Variants in TAX1BP1 observed in about 807,000 individuals in gnomAD.
The protein encoded by TAX1BP1 is tax1-binding protein 1.
TAX1BP1 carries 62 observed loss-of-function variants against 97.7 expected under a neutral mutation model. That is an observed-to-expected ratio of 0.63 (90% confidence interval 0.52 to 0.78). The LOEUF is 0.78. Among genes scored for constraint, TAX1BP1 ranks in the 30% least tolerant of loss-of-function variants. The probability of loss-of-function intolerance (pLI) is 0.00; values close to 1 mark genes in which losing one functional copy is unlikely to be tolerated. For missense variants in TAX1BP1, 867 were observed against 916.1 expected (o/e 0.95, Z 0.69); for synonymous variants, 340 against 304.2 (o/e 1.12, Z -1.23).
chr7:27,761,193 G>A (rs1788412679), intron 3 of TAX1BP1, among the ~76,000 whole-genome samples: 1 of 152,066 alleles, frequency 6.6e-6, no homozygotes, highest in Non-Finnish European at 1.5e-5. Context: ...CTTTTTTGGA[G>A]CAGTTTTAGG....
chr7:27,740,124 C>G (rs185132653), upstream of TAX1BP1: 1 of 152,296 alleles, frequency 6.6e-6, no homozygotes, highest in African/African-American at 2.4e-5. Flanking sequence ...GCGGAAGTGA[C>G]GCAAGGCCTA....
intron 2 of TAX1BP1, among the ~76,000 whole-genome samples, chr7:27,757,364 T>C (rs1788260586): frequency 6.6e-6 from 1 of 152,094 alleles, no homozygotes; most frequent in South Asian, 2.1e-4. Flanking sequence ...TATATAAACA[T>C]CTTGGTGCTA....
intron 13 of TAX1BP1, among the ~76,000 whole-genome samples, chr7:27,812,036 T>TA (rs1790578567): frequency 6.6e-6 from 1 of 152,228 alleles, no homozygotes; most frequent in East Asian, 1.9e-4. Flanking sequence ...TGCGGGCTTA[T>TA]ATGGTAAGTG....
chr7:27,782,087 ACT>A (rs915040335), intron 5 of TAX1BP1, among the ~76,000 whole-genome samples: 15 of 151,962 alleles, frequency 9.9e-5, no homozygotes, highest in African/African-American at 3.4e-4. Context: ...TAACATTTTC[ACT>A]CTCTTTTTAA....
At chr7:27,774,198 C>T (rs1204724992) in intron 5 of TAX1BP1, among the ~76,000 whole-genome samples, 3 of 152,006 alleles carry the variant, frequency 2.0e-5, no homozygotes, top group Non-Finnish European at 4.4e-5. Flanking sequence ...ACCTCTTAAG[C>T]TATCTTTATC....
intron 13 of TAX1BP1, among the ~76,000 whole-genome samples, chr7:27,801,239 T>TA (rs1404401704): frequency 8.2e-6 from 1 of 121,990 alleles, no homozygotes. Context: ...AGATATAATT[T>TA]ACATTTTTTT....
At chr7:27,772,290 G>A (rs887309137) in intron 5 of TAX1BP1, 5 of 151,922 alleles carry the variant, frequency 3.3e-5, no homozygotes, top group African/African-American at 9.7e-5. Flanking sequence ...ACATTTCTTG[G>A]CACTTGTTTT....
rs1350751617 is a variant in TAX1BP1 at position 27,817,049 on chromosome 7, T to A, written c.2085+11T>A. The A allele has an allele frequency of 1.2e-6, 2 of 1,602,288 alleles. No homozygotes were observed. Among genetic ancestry groups the A allele is most frequent in the Non-Finnish European group, 1.7e-6 (2 of 1,176,866 alleles). On this transcript the variant is annotated intron_variant, in intron 15 of 16. Transcript: ENST00000396319. ...TCTGAGGATAGCAAAGTAAATTGAA[T>A]TTTCATTGTGTGAGCCTGTCCCTTT... is the stretch of plus-strand genomic sequence containing the variant.
At chr7:27,801,242 AT>A (rs33986454) in intron 13 of TAX1BP1, among the ~76,000 whole-genome samples, 69 of 145,892 alleles carry the variant, frequency 4.7e-4, no homozygotes, top group African/African-American at 4.2e-4. Flanking sequence ...TATAATTTAC[AT>A]TTTTTTTTTT....
At position 27,785,251 on chromosome 7, in the gene TAX1BP1, T is replaced by C. The variant is rs763790831; in HGVS notation, c.701T>C (p.Leu234Pro). ...GATGCTACATCCAAAGCCCATCAGC[T>C]TGAGGAAGATATTGTGTCAGTAACA... ...FSDATSKAHQLEEDIVSVTHK... is the reference protein window; with the variant it reads ...FSDATSKAHQPEEDIVSVTHK... The change falls in exon 6 of 17, where the codon CTT (leucine) becomes CCT (proline). Residue 234 changes from leucine to proline, a missense_variant. Physicochemically the swap from Leu to Pro is moderately conservative, Grantham distance 98 (BLOSUM62 -3). This residue lies in a region of TAX1BP1 where 822 missense variants were observed against 851.4 expected (regional missense o/e 0.97). Transcript: ENST00000396319. 1.8e-5 allele frequency: 29 copies of C among 1,613,328 alleles called. No homozygotes were observed. Among genetic ancestry groups the C allele is most frequent in the Non-Finnish European group, 2.4e-5 (28 of 1,179,650 alleles).
intron 1 of TAX1BP1, among the ~76,000 whole-genome samples, chr7:27,746,879 C>T (rs1224823071): frequency 1.3e-5 from 2 of 152,040 alleles, no homozygotes; most frequent in African/African-American, 4.8e-5. Context: ...AGAGGGGACA[C>T]AAGAAGAAAG....
intron 15 of TAX1BP1, among the ~76,000 whole-genome samples, chr7:27,821,696 AC>A (rs1790983539): frequency 6.6e-6 from 1 of 152,102 alleles, no homozygotes; most frequent in African/African-American, 2.4e-5. Flanking sequence ...CACATATTAT[AC>A]AATTTGCCAT....
rs1410921691 is a variant in TAX1BP1 at position 27,748,586 on chromosome 7, A to C, written c.62A>C (p.Asn21Thr). 1 of 1,605,718 alleles carries C rather than the reference A, an allele frequency of 6.2e-7. No homozygotes were observed. Among genetic ancestry groups the C allele is most frequent in the Admixed American group, 1.7e-5 (1 of 59,522 alleles). Residue 21 changes from asparagine to threonine, a missense_variant, in exon 2 of 17, where the codon AAT (asparagine) becomes ACT (threonine). Coordinates refer to ENST00000396319, the MANE Select transcript of TAX1BP1 (RefSeq NM_006024.7). ...TSNFAHVIFQNVAKSYLPNAH... is the reference protein window; with the variant it reads ...TSNFAHVIFQTVAKSYLPNAH... ...AACTTTGCCCATGTCATCTTTCAAA[A>C]TGTGGCCAAGAGTTACCTTCCTAAT...
At chr7:27,762,641 C>T (rs1788470414) in intron 3 of TAX1BP1, among the ~76,000 whole-genome samples, 1 of 152,134 alleles carries the variant, frequency 6.6e-6, no homozygotes, top group South Asian at 2.1e-4. Context: ...CAGTTTATTT[C>T]TGTTAATACT....
At chr7:27,807,399 A>G (rs559262426) in intron 13 of TAX1BP1, among the ~76,000 whole-genome samples, 34 of 152,216 alleles carry the variant, frequency 2.2e-4, no homozygotes, top group African/African-American at 7.2e-4. Flanking sequence ...CATTGCATTT[A>G]GTTGTCATGT....
chr7:27,828,826 C>T lies in TAX1BP1; in HGVS notation c.2367C>T (p.Asp789=), dbSNP rs754697053. ...TTGATCAGAATGTTCTAAATTTTGA[C>T]TAGTTACTTTTTATTATGAGTTAAT... ...THFDQNVLNF[D] The change falls in exon 17 of 17, where the codon GAC becomes GAT. Residue 789 remains aspartate (D), a synonymous_variant. Transcript: ENST00000396319. 4 of 1,467,818 alleles carry T rather than the reference C, an allele frequency of 2.7e-6. No individual in the cohort carries two copies. The highest frequency in any genetic ancestry group is 2.8e-6 in the Non-Finnish European group (3 of 1,066,060). 90.9% of individuals were successfully genotyped at this position (1,467,818 alleles called of 1,614,324 possible).
intron 4 of TAX1BP1, among the ~76,000 whole-genome samples, chr7:27,766,284 G>C (rs1391295733): frequency 2.0e-5 from 3 of 151,876 alleles, no homozygotes. Flanking sequence ...GACGGGCGTG[G>C]TGGCAGGCAC....
intron 13 of TAX1BP1, chr7:27,803,114 A>G (rs13247833): frequency 0.11 from 165,896 of 1,544,462 alleles, 9,878 homozygotes; most frequent in African/African-American, 0.22. Flanking sequence ...TTCAGCTTCA[A>G]TTGGCAGAGA....
intron 3 of TAX1BP1, among the ~76,000 whole-genome samples, chr7:27,764,204 T>A (rs1260454609): frequency 6.6e-6 from 1 of 152,244 alleles, no homozygotes; most frequent in African/African-American, 2.4e-5. Flanking sequence ...CACCAGTGTT[T>A]CCATTACTGT....
Sources: gnomAD v4.1 joint callset for allele counts (sites outside exome capture counted in the v4.1 genomes callset) on GRCh38, gnomAD v4.1.1 for gene constraint, gnomAD v4.1.1 regional missense constraint, MANE v1.5 for transcripts, NCBI Gene and HGNC (gene_info 2026-07-23, HGNC 2026-07-21) for gene names.